DDX60L: variants seen among roughly 807,000 people sequenced by gnomAD.
The protein encoded by DDX60L is DExD/H-box 60 like.
In DDX60L, 191 loss-of-function variants were observed where a neutral mutation model predicts 211.6. That is an observed-to-expected ratio of 0.90 (90% CI 0.80 to 1.02). The LOEUF is 1.02. Ranked by LOEUF, DDX60L falls within the 50% of genes least tolerant of loss-of-function variation. DDX60L has a pLI of 0.00. For missense variants in DDX60L, 2,007 were observed against 1,984.1 expected, an observed-to-expected ratio of 1.01 and a Z score of -0.22; for synonymous variants, 706 against 694.1, an observed-to-expected ratio of 1.02 and a Z score of -0.27.
intron 17 of DDX60L, among the ~76,000 whole-genome samples, chr4:168,420,958 A>T (rs1251013091): frequency 6.6e-6 from 1 of 152,182 alleles, no homozygotes; most frequent in Non-Finnish European, 1.5e-5. Flanking sequence ...GAGCTTAACT[A>T]TAATTATATA....
intron 8 of DDX60L, among the ~76,000 whole-genome samples, chr4:168,449,949 C>G (rs998506247): frequency 3.3e-5 from 5 of 152,038 alleles, no homozygotes; most frequent in Non-Finnish European, 7.4e-5. Context: ...TTGTTTGTTC[C>G]TGGGTGTAGG....
At chr4:168,457,736 C>A (rs1027840392) in intron 6 of DDX60L, among the ~76,000 whole-genome samples, 156 bp downstream of exon 6, 2 of 152,144 alleles carry the variant, frequency 1.3e-5, no homozygotes, top group African/African-American at 2.4e-5. Flanking sequence ...TCAAGGTACT[C>A]TGAGAGCATG....
At chr4:168,376,767 G>A (rs1297595882) in intron 33 of DDX60L, among the ~76,000 whole-genome samples, 3 of 152,174 alleles carry the variant, frequency 2.0e-5, no homozygotes, top group East Asian at 1.9e-4. Flanking sequence ...CCACCTTCTC[G>A]AATGTGTATG....
intron 22 of DDX60L, among the ~76,000 whole-genome samples, chr4:168,411,030 T>C (rs1748587689): frequency 1.3e-5 from 2 of 152,268 alleles, no homozygotes; most frequent in South Asian, 4.1e-4. Flanking sequence ...TATTAAACTT[T>C]GGGTGTCCCA....
intron 4 of DDX60L, among the ~76,000 whole-genome samples, chr4:168,466,933 GT>G (rs1176040615): frequency 1.3e-5 from 2 of 151,954 alleles, no homozygotes; most frequent in African/African-American, 2.4e-5. Flanking sequence ...CTTTTTAGAG[GT>G]TTTTTGTTTG....
chr4:168,460,236 A>G (rs1757141212), intron 5 of DDX60L, among the ~76,000 whole-genome samples: 1 of 152,256 alleles, frequency 6.6e-6, no homozygotes, highest in Admixed American at 6.5e-5. Context: ...TTGACTCCCA[A>G]GTTTCATAAC....
At chr4:168,417,667 G>A (rs1749788526) in intron 19 of DDX60L, among the ~76,000 whole-genome samples, 1 of 152,054 alleles carries the variant, frequency 6.6e-6, no homozygotes, top group Non-Finnish European at 1.5e-5. Context: ...AAACCACAAG[G>A]TCAGTACTGG....
chr4:168,464,254 G>C (rs1757681710), intron 4 of DDX60L, among the ~76,000 whole-genome samples: 1 of 151,926 alleles, frequency 6.6e-6, no homozygotes, highest in African/African-American at 2.4e-5. Context: ...ACCAAAATAG[G>C]CCATGTATTG....
At position 168,386,298 on chromosome 4, in the gene DDX60L, A is replaced by G. The variant is rs190033562; in HGVS notation, c.3916-1486T>C. Among the ~76,000 whole-genome samples, 5 of 152,320 alleles carry G rather than the reference A, an allele frequency of 3.3e-5. No homozygotes were observed. In the East Asian group the frequency reaches 9.6e-4, roughly 29 times the overall value. On this transcript the variant is annotated intron_variant, in intron 29 of 37. Coordinates refer to ENST00000682922, the MANE Select transcript of DDX60L (RefSeq NM_001012967.3). ...ATTTTCTCTAACTCTTTTAACAAATAGAGTTAAAAGTAATGAAATTTAAAA... is the reference window on the plus strand; with the variant it reads ...ATTTTCTCTAACTCTTTTAACAAATGGAGTTAAAAGTAATGAAATTTAAAA...
chr4:168,375,467 C>A lies in DDX60L; in HGVS notation c.4543G>T (p.Ala1515Ser). The A allele has an allele frequency of 2.5e-6, 4 of 1,612,934 alleles. No homozygotes were observed. In the South Asian group the frequency reaches 4.4e-5, roughly 18 times the overall value. ...FKAALYEYNL[A>S]VMKDFASFLL... ...AAGGAGGCAAAATCCTTCATTACTG[C>A]CAGGTTATACTCATATAAAGCAGCT... is the stretch of plus-strand genomic sequence containing the variant. Residue 1515 changes from alanine (A) to serine (S), a missense_variant, in exon 34 of 38, where the codon GCA becomes TCA. Physicochemically the swap from Ala to Ser is moderately conservative, Grantham distance 99. Coordinates refer to ENST00000682922, the MANE Select transcript of DDX60L (RefSeq NM_001012967.3).
intron 12 of DDX60L, among the ~76,000 whole-genome samples, chr4:168,431,868 G>A (rs1166679101): frequency 6.6e-6 from 1 of 152,092 alleles, no homozygotes; most frequent in Non-Finnish European, 1.5e-5. Context: ...ACTTTTTGTA[G>A]ATTCAACTCC....
At position 168,394,552 on chromosome 4, in the gene DDX60L, T is replaced by G; in HGVS notation, c.3723A>C (p.Ala1241=). Residue 1241 remains alanine (A), a synonymous_variant, in exon 28 of 38, where the codon GCA becomes GCC. Coordinates refer to ENST00000682922, the MANE Select transcript of DDX60L (RefSeq NM_001012967.3). ...TRHGKELKAL[A]QRGIGYHHSS... ...TGTGATGATATCCAATCCCCCTTTG[T>G]GCTAAAGCCTTCAGTTCTTTGCCGT... 1 of 1,613,798 alleles carries G rather than the reference T, an allele frequency of 6.2e-7. No homozygotes were observed. Among genetic ancestry groups the G allele is most frequent in the Non-Finnish European group, 8.5e-7 (1 of 1,179,708 alleles).
Position 168,375,481 on chromosome 4 carries a change from T to C in DDX60L, c.4529A>G (p.Tyr1510Cys), listed in dbSNP as rs754762490. The C allele has an allele frequency of 2.0e-5, 33 of 1,612,658 alleles. No individual in the cohort carries two copies. Among genetic ancestry groups the C allele is most frequent in the Admixed American group, 3.3e-5 (2 of 59,780 alleles). The change falls in exon 34 of 38, where the codon TAT becomes TGT. Residue 1510 changes from tyrosine (Y) to cysteine (C), a missense_variant. By Grantham distance (194) the Tyr-to-Cys change is radical. Transcript: ENST00000682922. ...ELPEDFKAALYEYNLAVMKDF... is the reference protein window; with the variant it reads ...ELPEDFKAALCEYNLAVMKDF... The stretch of plus-strand genomic sequence containing the variant: ...CTTCATTACTGCCAGGTTATACTCA[T>C]ATAAAGCAGCTTTAAAATCCTCCGG...
chr4:168,393,996 C>T (rs935334071), intron 28 of DDX60L, among the ~76,000 whole-genome samples: 7 of 152,060 alleles, frequency 4.6e-5, no homozygotes, highest in Non-Finnish European at 8.8e-5. Flanking sequence ...AGTTCGAGAA[C>T]AGGCTGGCCC....
intron 1 of DDX60L, among the ~76,000 whole-genome samples, chr4:168,479,638 T>G (rs1171796605): frequency 6.6e-6 from 1 of 152,098 alleles, no homozygotes; most frequent in Non-Finnish European, 1.5e-5. Context: ...CAAAGTACCT[T>G]TCCAGAGAAA....
intron 37 of DDX60L, among the ~76,000 whole-genome samples, chr4:168,360,178 C>T (rs1252126317): frequency 6.6e-6 from 1 of 152,142 alleles, no homozygotes; most frequent in Non-Finnish European, 1.5e-5. Context: ...GAAAGTTTCT[C>T]CCATGACATT....
At chr4:168,390,080 G>A (rs137869645) in intron 29 of DDX60L, 15 of 967,812 alleles carry the variant, frequency 1.5e-5, no homozygotes, top group African/African-American at 1.8e-5. Flanking sequence ...CCTGACCCTC[G>A]AGAAACAAAT....
intron 1 of DDX60L, among the ~76,000 whole-genome samples, chr4:168,473,740 C>T (rs571703375): frequency 1.8e-4 from 28 of 152,118 alleles, no homozygotes; most frequent in Non-Finnish European, 1.5e-4. Flanking sequence ...CTCTGGGTCA[C>T]CCCCAAAATA....
intron 30 of DDX60L, 190 bp from the exon 31 acceptor site, chr4:168,380,020 A>C: frequency 2.1e-6 from 1 of 475,750 alleles, no homozygotes; most frequent in South Asian, 3.8e-5. Context: ...TGAATTAAAT[A>C]CATCATATAA....
Sources: allele counts gnomAD v4.1 joint callset (sites outside exome capture counted in the v4.1 genomes callset), GRCh38; gene constraint gnomAD v4.1.1; transcripts MANE v1.5; gene names NCBI Gene and HGNC (gene_info 2026-07-23, HGNC 2026-07-21).